ABCA13: variants seen among roughly 807,000 people sequenced by gnomAD.
ABCA13 encodes the protein ATP-binding cassette sub-family A member 13.
A neutral mutation model predicts 478.7 loss-of-function variants in ABCA13; 476 were observed. The ratio of observed to expected loss-of-function variants is 0.99; its 90% confidence interval spans 0.92 to 1.07. The LOEUF is 1.07. Among genes scored for constraint, ABCA13 ranks in the 50% least tolerant of loss-of-function variants. The pLI, the probability that ABCA13 is intolerant of heterozygous loss-of-function variation, is 0.00. For missense variants in ABCA13, 6,060 were observed against 5,910.6 expected (o/e 1.03, Z -0.83); for synonymous variants, 2,252 against 2,158.9 (o/e 1.04, Z -1.20).
At chr7:48,423,280 A>G (rs1414799785) in intron 41 of ABCA13, among the ~76,000 whole-genome samples, 2 of 152,228 alleles carry the variant, frequency 1.3e-5, no homozygotes, top group Non-Finnish European at 2.9e-5. Context: ...AAACAGAAAG[A>G]GTACATCTTA....
At chr7:48,465,849 G>T (rs1185669177) in intron 43 of ABCA13, among the ~76,000 whole-genome samples, 1 of 151,766 alleles carries the variant, frequency 6.6e-6, no homozygotes, top group East Asian at 1.9e-4. Flanking sequence ...ATTCTTCCCA[G>T]CTTCTGGTGT....
rs1259895834 is a variant in ABCA13 at position 48,271,964 on chromosome 7, T to A, written c.2298T>A (p.Asp766Glu). 1 of 1,613,672 alleles carries A rather than the reference T, an allele frequency of 6.2e-7. No homozygotes were observed. Among genetic ancestry groups the A allele is most frequent in the Non-Finnish European group, 8.5e-7 (1 of 1,179,714 alleles). Reference protein sequence around the residue: ...SFHSLPSLTEDILNISSLWTN... With the variant: ...SFHSLPSLTEEILNISSLWTN... ...ACAGCCTCCCATCTCTCACAGAGGA[T>A]ATTCTGAATATAAGTTCTCTGTGGA... Residue 766 changes from aspartate (D) to glutamate (E), a missense_variant, in exon 17 of 62, where the codon GAT (aspartate) becomes GAA (glutamate). Coordinates refer to ENST00000435803, the MANE Select transcript of ABCA13 (RefSeq NM_152701.5).
At chr7:48,561,203 A>G (rs899096289) in intron 55 of ABCA13, among the ~76,000 whole-genome samples, 1 of 152,146 alleles carries the variant, frequency 6.6e-6, no homozygotes, top group Admixed American at 6.5e-5. Context: ...TGCAATGAAC[A>G]TGGGACTACA....
chr7:48,278,004 A>G lies in ABCA13; in HGVS notation c.6900-90A>G, dbSNP rs143544360. On this transcript the variant is annotated intron_variant, in intron 17 of 61. Coordinates refer to ENST00000435803, the MANE Select transcript of ABCA13 (RefSeq NM_152701.5). Reference sequence around the variant, plus strand: ...CCCATGATGCTATTATAAAACAAATAAAATAATATAAATCACTATGTATCT... The same window carrying G: ...CCCATGATGCTATTATAAAACAAATGAAATAATATAAATCACTATGTATCT... The G allele has an allele frequency of 4.2e-5, 18 of 424,122 alleles. No homozygotes were observed. In the Admixed American group the frequency reaches 9.1e-4, roughly 21 times the overall value. 26.3% of individuals were successfully genotyped at this position (424,122 alleles called of 1,614,324 possible).
chr7:48,529,847 GAA>G (rs1563399496), intron 55 of ABCA13, among the ~76,000 whole-genome samples: 1 of 152,060 alleles, frequency 6.6e-6, no homozygotes, highest in Non-Finnish European at 1.5e-5. Flanking sequence ...TATTAGAAGA[GAA>G]TGCTCTTATC....
intron 6 of ABCA13, 150 bp downstream of exon 6, chr7:48,227,575 G>A (rs1057317090): frequency 4.5e-5 from 39 of 872,750 alleles, no homozygotes; most frequent in African/African-American, 2.1e-4. Flanking sequence ...GCACCTCCAC[G>A]AACGTCCCTC....
At chr7:48,186,896 G>T (rs1446667818) in intron 1 of ABCA13, among the ~76,000 whole-genome samples, 1 of 151,620 alleles carries the variant, frequency 6.6e-6, no homozygotes, top group African/African-American at 2.4e-5. Context: ...TTTTCATTTG[G>T]TCTGGAATTC....
chr7:48,625,885 T>A (rs1793616779), intron 59 of ABCA13, among the ~76,000 whole-genome samples: 1 of 152,220 alleles, frequency 6.6e-6, no homozygotes, highest in African/African-American at 2.4e-5. Flanking sequence ...TGTTGGGGAC[T>A]CAGACTCACA....
chr7:48,312,862 C>T (rs533222340), intron 24 of ABCA13, among the ~76,000 whole-genome samples: 10 of 152,326 alleles, frequency 6.6e-5, no homozygotes, highest in Admixed American at 5.2e-4. Context: ...TTTAACAATG[C>T]TAGTGCAATT....
At chr7:48,445,979 G>C (rs1163322097) in intron 42 of ABCA13, among the ~76,000 whole-genome samples, 1 of 152,042 alleles carries the variant, frequency 6.6e-6, no homozygotes, top group Non-Finnish European at 1.5e-5. Context: ...TGGCCTTTGC[G>C]GGCTCTGTCC....
Position 48,360,451 on chromosome 7 carries a change from C to T in ABCA13, c.10689-7343C>T, listed in dbSNP as rs932537207. Among the ~76,000 whole-genome samples, 6 of 151,912 alleles carry T rather than the reference C, an allele frequency of 3.9e-5. No homozygotes were observed. In the East Asian group the frequency reaches 5.8e-4, roughly 15 times the overall value. On this transcript the variant is annotated intron_variant, in intron 31 of 61. Transcript: ENST00000435803. ...AGGGGAAACATACAGAGAATATTCT[C>T]GATTCTTAGTTTGATTCATGCTCTC...
At chr7:48,244,907 A>G (rs1791436532) in intron 11 of ABCA13, among the ~76,000 whole-genome samples, 1 of 152,230 alleles carries the variant, frequency 6.6e-6, no homozygotes, top group Non-Finnish European at 1.5e-5. Context: ...ATAAGGGCAC[A>G]GTGAAGAGCG....
chr7:48,410,978 T>TC (rs771701620), intron 40 of ABCA13, among the ~76,000 whole-genome samples: 2 of 21,936 alleles, frequency 9.1e-5, no homozygotes, highest in East Asian at 2.4e-3. Context: ...AATTCTTTTC[T>TC]CTTTCTTTCT....
chr7:48,641,018 T>A (rs1795066113), intron 59 of ABCA13, among the ~76,000 whole-genome samples: 1 of 152,210 alleles, frequency 6.6e-6, no homozygotes, highest in Admixed American at 6.5e-5. Flanking sequence ...TAATTCATGT[T>A]CTTCACAGTA....
At chr7:48,374,784 T>C (rs1813198394) in intron 34 of ABCA13, among the ~76,000 whole-genome samples, 1 of 152,152 alleles carries the variant, frequency 6.6e-6, no homozygotes, top group Admixed American at 6.5e-5. Flanking sequence ...CCCTGGGCCA[T>C]GGAGCAGTCC....
chr7:48,315,005 A>G (rs1400859785), intron 26 of ABCA13, among the ~76,000 whole-genome samples: 1 of 152,258 alleles, frequency 6.6e-6, no homozygotes, highest in African/African-American at 2.4e-5. Flanking sequence ...TTTATTAGAA[A>G]GGCAGAATAA....
chr7:48,226,794 A>G (rs1051990817), intron 5 of ABCA13, among the ~76,000 whole-genome samples: 1 of 152,160 alleles, frequency 6.6e-6, no homozygotes, highest in African/African-American at 2.4e-5. Context: ...GCTCTATACT[A>G]TGGGCCAGCT....
intron 27 of ABCA13, among the ~76,000 whole-genome samples, chr7:48,324,819 C>G (rs1415164711): frequency 6.6e-6 from 1 of 152,184 alleles, no homozygotes; most frequent in Non-Finnish European, 1.5e-5. Flanking sequence ...AGGGTCCAAT[C>G]TCACTCATCT....
intron 45 of ABCA13, 119 bp downstream of exon 45, chr7:48,471,718 C>T (rs1827522403): frequency 5.6e-6 from 5 of 900,674 alleles, no homozygotes; most frequent in South Asian, 1.6e-5. Context: ...TTTTGGTTTC[C>T]TGGATTAGCT....
Sources: allele counts gnomAD v4.1 joint callset (sites outside exome capture counted in the v4.1 genomes callset), GRCh38; gene constraint gnomAD v4.1.1; transcripts MANE v1.5; gene names NCBI Gene and HGNC (gene_info 2026-07-23, HGNC 2026-07-21).